CDH18: variants seen among roughly 807,000 people sequenced by gnomAD.
CDH18 encodes the protein cadherin-18.
Under a neutral mutation model 67.9 loss-of-function variants are expected in CDH18, and 31 were observed. That is an observed-to-expected ratio of 0.46 (90% CI 0.34 to 0.62). The LOEUF (loss-of-function observed/expected upper bound fraction) is 0.62, where lower values mean the gene tolerates loss of function less well. Ranked by LOEUF, CDH18 falls within the 20% of genes least tolerant of loss-of-function variation. The pLI, the probability that CDH18 is intolerant of heterozygous loss-of-function variation, is 0.01. For missense variants in CDH18, 890 were observed against 975.5 expected (o/e 0.91, Z 1.17); for synonymous variants, 362 against 347.2 (o/e 1.04, Z -0.48).
chr5:19,976,721 A>G (rs1798540814), intron 2 of CDH18, among the ~76,000 whole-genome samples: 1 of 152,122 alleles, frequency 6.6e-6, no homozygotes, highest in African/African-American at 2.4e-5. Context: ...ACAGAGTTGA[A>G]AATAGGAAAA....
At chr5:20,058,121 G>A (rs1742154793) in intron 2 of CDH18, among the ~76,000 whole-genome samples, 1 of 152,054 alleles carries the variant, frequency 6.6e-6, no homozygotes, top group Admixed American at 6.5e-5. Flanking sequence ...TTATAACACA[G>A]TTGCCTTAGT....
intron 2 of CDH18, among the ~76,000 whole-genome samples, chr5:20,122,001 G>A (rs779645760): frequency 1.3e-5 from 2 of 152,168 alleles, no homozygotes; most frequent in African/African-American, 2.4e-5. Context: ...ACTGCCAGCA[G>A]AAAGCTTAGA....
At chr5:20,419,346 C>T (rs976055654) in intron 1 of CDH18, among the ~76,000 whole-genome samples, 1 of 152,110 alleles carries the variant, frequency 6.6e-6, no homozygotes, top group East Asian at 1.9e-4. Context: ...ACACCCTTCA[C>T]CAGAACCCAA....
intron 1 of CDH18, among the ~76,000 whole-genome samples, chr5:20,385,029 G>T (rs908254312): frequency 5.3e-5 from 8 of 152,018 alleles, no homozygotes; most frequent in Non-Finnish European, 1.2e-4. Context: ...TAGAGATGGG[G>T]TTTCGCCATG....
Position 20,544,245 on chromosome 5 carries a change from G to A in CDH18, c.-580+31217C>T, listed in dbSNP as rs185220572. On this transcript the variant is annotated intron_variant, in intron 1 of 14. Transcript: ENST00000507958. ...TTCACAAGCATACCTCACAGATGGG[G>A]AAGATTGCATGCATGTGGGTTAATA... 2.2e-3 allele frequency among the ~76,000 whole-genome samples: 334 copies of A among 152,144 alleles called. 2 individuals carry two copies. The highest frequency in any genetic ancestry group is 7.6e-3 in the African/African-American group (315 of 41,514).
At chr5:19,698,776 A>G (rs1204088116) in intron 5 of CDH18, among the ~76,000 whole-genome samples, 1 of 152,120 alleles carries the variant, frequency 6.6e-6, no homozygotes, top group East Asian at 1.9e-4. Context: ...GAGATATTCA[A>G]TATTTCTGTG....
intron 1 of CDH18, among the ~76,000 whole-genome samples, chr5:20,523,060 T>A (rs1755839814): frequency 6.6e-6 from 1 of 152,224 alleles, no homozygotes; most frequent in Non-Finnish European, 1.5e-5. Context: ...TTCCTCATTT[T>A]AATGTACTGC....
At chr5:19,509,907 C>T (rs1336733650) in intron 10 of CDH18, among the ~76,000 whole-genome samples, 2 of 151,466 alleles carry the variant, frequency 1.3e-5, no homozygotes, top group African/African-American at 4.9e-5. Context: ...TTTTTCAGAA[C>T]AGGAAAATAT....
At chr5:20,060,820 T>C (rs1473597476) in intron 2 of CDH18, among the ~76,000 whole-genome samples, 5 of 152,114 alleles carry the variant, frequency 3.3e-5, no homozygotes, top group Non-Finnish European at 5.9e-5. Flanking sequence ...TTATTCATCA[T>C]ACTATTTAAA....
chr5:20,521,598 A>G (rs1018082116), intron 1 of CDH18, among the ~76,000 whole-genome samples: 1 of 152,174 alleles, frequency 6.6e-6, no homozygotes, highest in Non-Finnish European at 1.5e-5. Flanking sequence ...AAAGCGGAGC[A>G]GATACATGGG....
chr5:19,917,700 C>T (rs1318827199), intron 2 of CDH18, among the ~76,000 whole-genome samples: 1 of 152,050 alleles, frequency 6.6e-6, no homozygotes, highest in Non-Finnish European at 1.5e-5. Flanking sequence ...AAGGCAAGAA[C>T]CTATTGTGAA....
intron 2 of CDH18, among the ~76,000 whole-genome samples, chr5:20,056,879 T>C (rs1742039453): frequency 6.6e-6 from 1 of 150,632 alleles, no homozygotes; most frequent in Non-Finnish European, 1.5e-5. Context: ...TGGAGACGGG[T>C]TTTCACTGTG....
At chr5:20,504,830 C>T (rs1754559997) in intron 1 of CDH18, among the ~76,000 whole-genome samples, 1 of 131,396 alleles carries the variant, frequency 7.6e-6, no homozygotes, top group Non-Finnish European at 1.5e-5. Flanking sequence ...TGCAGTGGCG[C>T]TATCTCAGCT....
At chr5:19,974,731 G>A (rs1435386166) in intron 2 of CDH18, among the ~76,000 whole-genome samples, 2 of 152,000 alleles carry the variant, frequency 1.3e-5, no homozygotes, top group African/African-American at 4.8e-5. Context: ...ATTGGTACTA[G>A]TTCATATAGA....
intron 1 of CDH18, among the ~76,000 whole-genome samples, chr5:20,441,789 T>TA (rs34203395): frequency 0.24 from 36,811 of 151,624 alleles, 4,874 homozygotes; most frequent in East Asian, 0.3. Context: ...TTTAGATCAA[T>TA]AAAAAAATCC....
intron 1 of CDH18, among the ~76,000 whole-genome samples, chr5:20,353,901 C>T (rs1741402239): frequency 6.6e-6 from 1 of 152,152 alleles, no homozygotes; most frequent in African/African-American, 2.4e-5. Context: ...TAAAGAGTCC[C>T]TTGCCCACCA....
chr5:19,869,819 CT>C (rs1378739933), intron 2 of CDH18, among the ~76,000 whole-genome samples: 1 of 152,090 alleles, frequency 6.6e-6, no homozygotes, highest in Non-Finnish European at 1.5e-5. Context: ...TTCTGTTATA[CT>C]AACTCCCAAA....
intron 1 of CDH18, among the ~76,000 whole-genome samples, chr5:20,470,972 G>T (rs1752017046): frequency 6.6e-6 from 1 of 152,032 alleles, no homozygotes. Context: ...CTCCCTTGAT[G>T]CTCCTCTTCT....
chr5:20,478,051 A>T (rs1249373523), intron 1 of CDH18, among the ~76,000 whole-genome samples: 2 of 152,160 alleles, frequency 1.3e-5, no homozygotes, highest in Non-Finnish European at 2.9e-5. Flanking sequence ...AGAAGGATTC[A>T]TCACCTGCTC....
Sources: gnomAD v4.1 joint callset for allele counts (sites outside exome capture counted in the v4.1 genomes callset) on GRCh38, gnomAD v4.1.1 for gene constraint, MANE v1.5 for transcripts, NCBI Gene and HGNC (gene_info 2026-07-23, HGNC 2026-07-21) for gene names.